The following LDB2 variants were observed in gnomAD, a reference collection of about 807,000 sequenced individuals.
The protein encoded by LDB2 is LIM domain binding 2, also known as LIM domain-binding protein 2.
LDB2 carries 12 observed loss-of-function variants against 44.3 expected under a neutral mutation model. The ratio of observed to expected loss-of-function variants is 0.27; its 90% confidence interval spans 0.17 to 0.44. LDB2 has a LOEUF of 0.44. Ranked by LOEUF, LDB2 falls within the 20% of genes least tolerant of loss-of-function variation. LDB2 has a pLI of 1.00. For missense variants in LDB2, 344 were observed against 473.5 expected (o/e 0.73, Z 2.54); for synonymous variants, 164 against 174.8 (o/e 0.94, Z 0.49).
chr4:16,595,431 A>G (rs575049440), intron 3 of LDB2, among the ~76,000 whole-genome samples: 1 of 152,234 alleles, frequency 6.6e-6, no homozygotes, highest in Admixed American at 6.5e-5. Flanking sequence ...TCTAGCAACT[A>G]AAATTTAAAA....
intron 5 of LDB2, among the ~76,000 whole-genome samples, chr4:16,534,540 C>T (rs775235772): frequency 1.3e-5 from 2 of 152,204 alleles, no homozygotes; most frequent in African/African-American, 2.4e-5. Flanking sequence ...TATTGGAACA[C>T]ATAGCTGTGC....
intron 2 of LDB2, among the ~76,000 whole-genome samples, chr4:16,645,653 C>G (rs1578442819): frequency 6.6e-6 from 1 of 151,162 alleles, no homozygotes; most frequent in African/African-American, 2.4e-5. Flanking sequence ...GAGAAATAAG[C>G]AACAGGAGGT....
intron 1 of LDB2, among the ~76,000 whole-genome samples, chr4:16,823,103 G>T (rs1473916308): frequency 2.0e-5 from 3 of 152,196 alleles, no homozygotes; most frequent in Non-Finnish European, 4.4e-5. Flanking sequence ...AGCACAATTT[G>T]TCTGTCTTCC....
At chr4:16,871,800 T>G (rs1180930202) in intron 1 of LDB2, among the ~76,000 whole-genome samples, 1 of 152,014 alleles carries the variant, frequency 6.6e-6, no homozygotes, top group African/African-American at 2.4e-5. Context: ...TTTGTATTTT[T>G]TAGTAGAGAA....
At chr4:16,525,489 G>A (rs1320118428) in intron 5 of LDB2, among the ~76,000 whole-genome samples, 2 of 152,214 alleles carry the variant, frequency 1.3e-5, no homozygotes, top group East Asian at 1.9e-4. Context: ...AGGGAGTTTG[G>A]TGAAAAGTAA....
intron 2 of LDB2, among the ~76,000 whole-genome samples, chr4:16,632,184 A>G (rs912820498): frequency 1.3e-5 from 2 of 152,228 alleles, no homozygotes; most frequent in African/African-American, 4.8e-5. Flanking sequence ...AAAATCCTCA[A>G]TAAAATACTG....
intron 2 of LDB2, among the ~76,000 whole-genome samples, chr4:16,729,124 G>A (rs983080844): frequency 1.3e-5 from 2 of 152,170 alleles, no homozygotes; most frequent in African/African-American, 2.4e-5. Context: ...TCTTTGCCTC[G>A]CAGAAAACTT....
chr4:16,758,007 A>T (rs1386624108), intron 2 of LDB2, among the ~76,000 whole-genome samples: 1 of 152,126 alleles, frequency 6.6e-6, no homozygotes, highest in Non-Finnish European at 1.5e-5. Flanking sequence ...GCGCCTGGCA[A>T]CCAGTTTCAG....
At chr4:16,746,858 C>T (rs1449451927) in intron 2 of LDB2, among the ~76,000 whole-genome samples, 2 of 151,990 alleles carry the variant, frequency 1.3e-5, no homozygotes, top group East Asian at 3.9e-4. Context: ...TCCTAATTTC[C>T]GGGGAATGGG....
intron 1 of LDB2, among the ~76,000 whole-genome samples, chr4:16,874,499 G>A (rs1717769272): frequency 6.6e-6 from 1 of 152,080 alleles, no homozygotes; most frequent in Admixed American, 6.5e-5. Flanking sequence ...TTGCAGAATG[G>A]GTGCGAATGG....
At chr4:16,633,693 T>G (rs528273533) in intron 2 of LDB2, among the ~76,000 whole-genome samples, 1 of 152,266 alleles carries the variant, frequency 6.6e-6, no homozygotes, top group African/African-American at 2.4e-5. Context: ...CTGCCCAAAG[T>G]AAGTTATAGG....
chr4:16,734,713 T>C (rs1479509243), intron 2 of LDB2, among the ~76,000 whole-genome samples: 19 of 147,836 alleles, frequency 1.3e-4, no homozygotes, highest in African/African-American at 4.7e-4. Flanking sequence ...CTTTTTTTTT[T>C]TTTTTTTTTT....
chr4:16,682,847 A>G (rs1019837842), intron 2 of LDB2, among the ~76,000 whole-genome samples: 1 of 152,232 alleles, frequency 6.6e-6, no homozygotes, highest in Non-Finnish European at 1.5e-5. Context: ...CACAACCAAG[A>G]TGGGAAACAG....
intron 1 of LDB2, among the ~76,000 whole-genome samples, chr4:16,764,435 A>G (rs913606086): frequency 6.6e-6 from 1 of 152,062 alleles, no homozygotes; most frequent in Admixed American, 6.6e-5. Context: ...TGAGCCAAAT[A>G]GAAGTCTCTG....
At chr4:16,805,444 C>A (rs1699103761) in intron 1 of LDB2, among the ~76,000 whole-genome samples, 1 of 152,198 alleles carries the variant, frequency 6.6e-6, no homozygotes, top group South Asian at 2.1e-4. Context: ...GCACACACAT[C>A]CACTTTAGAA....
chr4:16,609,888 T>C (rs985180983), intron 2 of LDB2, among the ~76,000 whole-genome samples: 2 of 152,094 alleles, frequency 1.3e-5, no homozygotes, highest in Admixed American at 6.5e-5. Context: ...CTGCTACCTG[T>C]GCCACCCAAC....
At chr4:16,669,220 C>T (rs1177171875) in intron 2 of LDB2, among the ~76,000 whole-genome samples, 4 of 152,168 alleles carry the variant, frequency 2.6e-5, no homozygotes, top group African/African-American at 9.7e-5. Flanking sequence ...TGACCATGAC[C>T]TCATAGTCAA....
chr4:16,634,126 A>T (rs1732861364), intron 2 of LDB2, among the ~76,000 whole-genome samples: 1 of 152,198 alleles, frequency 6.6e-6, no homozygotes, highest in African/African-American at 2.4e-5. Flanking sequence ...GATGGATCAA[A>T]GACTTAAATG....
At chr4:16,785,530 C>T (rs915093152) in intron 1 of LDB2, among the ~76,000 whole-genome samples, 11 of 152,170 alleles carry the variant, frequency 7.2e-5, no homozygotes, top group Admixed American at 4.6e-4. Flanking sequence ...CATCGCCTAC[C>T]GTGGCTGCAA....
Sources: allele counts gnomAD v4.1 joint callset (sites outside exome capture counted in the v4.1 genomes callset), GRCh38; gene constraint gnomAD v4.1.1; transcripts MANE v1.5; gene names NCBI Gene and HGNC (gene_info 2026-07-23, HGNC 2026-07-21).